The following CTNNA2 variants were observed in gnomAD, a reference collection of about 807,000 sequenced individuals.
The protein encoded by CTNNA2 is catenin alpha-2.
Under a neutral mutation model 101.0 loss-of-function variants are expected in CTNNA2, and 42 were observed. The observed-to-expected ratio is 0.42, with a 90% confidence interval of 0.32 to 0.54. The LOEUF (loss-of-function observed/expected upper bound fraction) is 0.54. Ranked by LOEUF, CTNNA2 falls within the 20% of genes least tolerant of loss-of-function variation. The probability of loss-of-function intolerance (pLI) is 0.14; values close to 1 mark genes in which losing one functional copy is unlikely to be tolerated. For missense variants in CTNNA2, 871 were observed against 1,223.1 expected (o/e 0.71, Z 4.29); for synonymous variants, 450 against 456.4 (o/e 0.99, Z 0.18).
intron 18 of CTNNA2, among the ~76,000 whole-genome samples, chr2:80,645,629 GTGATGC>G (rs1387043672): frequency 6.6e-6 from 1 of 152,094 alleles, no homozygotes; most frequent in African/African-American, 2.4e-5. Context: ...AGATTCCCGG[GTGATGC>G]TGATGCTGTT....
At chr2:80,542,259 A>ACG (rs1691635944) in intron 9 of CTNNA2, among the ~76,000 whole-genome samples, 1 of 151,386 alleles carries the variant, frequency 6.6e-6, no homozygotes. Flanking sequence ...ATGTGTATAT[A>ACG]TATATTATAG....
At chr2:79,809,880 A>G (rs897201529) in intron 3 of CTNNA2, among the ~76,000 whole-genome samples, 5 of 152,148 alleles carry the variant, frequency 3.3e-5, no homozygotes, top group Admixed American at 1.3e-4. Context: ...CCTGAATGGT[A>G]TGGCCTAGGT....
At chr2:79,974,781 C>T (rs1288158688) in intron 7 of CTNNA2, among the ~76,000 whole-genome samples, 2 of 151,960 alleles carry the variant, frequency 1.3e-5, no homozygotes, top group African/African-American at 4.8e-5. Context: ...ATAAAACATG[C>T]AATGTTATAA....
chr2:80,224,013 T>C (rs944300362), intron 7 of CTNNA2, among the ~76,000 whole-genome samples: 2 of 152,200 alleles, frequency 1.3e-5, no homozygotes, highest in African/African-American at 4.8e-5. Flanking sequence ...CACTCAGTGC[T>C]CTTAGATGGC....
intron 1 of CTNNA2, among the ~76,000 whole-genome samples, chr2:79,197,514 G>A (rs141197107): frequency 2.4e-4 from 36 of 151,262 alleles, no homozygotes; most frequent in Non-Finnish European, 5.0e-4. Flanking sequence ...CTGAGGTTGT[G>A]GGTCAGAGTT....
At chr2:80,268,588 C>T (rs1266131605) in intron 7 of CTNNA2, among the ~76,000 whole-genome samples, 2 of 152,104 alleles carry the variant, frequency 1.3e-5, no homozygotes, top group Non-Finnish European at 2.9e-5. Context: ...TTTAGTCTTT[C>T]TCACACATAA....
chr2:79,478,677 A>G (rs1020469672), intron 4 of CTNNA2, among the ~76,000 whole-genome samples: 11 of 152,332 alleles, frequency 7.2e-5, no homozygotes, highest in East Asian at 1.9e-4. Flanking sequence ...CCCTTTGGCC[A>G]TTAATTCATA....
chr2:80,184,651 C>T (rs1271358784), intron 7 of CTNNA2, among the ~76,000 whole-genome samples: 1 of 152,160 alleles, frequency 6.6e-6, no homozygotes, highest in Non-Finnish European at 1.5e-5. Flanking sequence ...GTGCAATGAA[C>T]TCCCCAATGG....
At chr2:79,665,816 C>G (rs1395214520) in intron 2 of CTNNA2, among the ~76,000 whole-genome samples, 2 of 152,044 alleles carry the variant, frequency 1.3e-5, no homozygotes, top group Non-Finnish European at 2.9e-5. Context: ...TTTTTAGAAT[C>G]TCCTGGAACA....
chr2:80,607,614 T>C (rs1573441468), intron 16 of CTNNA2, among the ~76,000 whole-genome samples: 1 of 152,040 alleles, frequency 6.6e-6, no homozygotes, highest in Non-Finnish European at 1.5e-5. Context: ...ACCATTTCAG[T>C]CTCTCATTTA....
intron 3 of CTNNA2, among the ~76,000 whole-genome samples, chr2:79,768,321 T>G (rs967677764): frequency 1.3e-5 from 2 of 150,396 alleles, no homozygotes; most frequent in Non-Finnish European, 3.0e-5. Flanking sequence ...TAGTACCTGG[T>G]TTTAACACTG....
At position 79,456,416 on chromosome 2, in the gene CTNNA2, C is replaced by T. The variant is rs372135630; in HGVS notation, c.-134-48638C>T. ...CATTTAATTTATATTTTTATTTGCA[C>T]GAATTCAATGCACAAATATTAAATA... On this transcript the variant is annotated intron_variant, in intron 4 of 21. Transcript: ENST00000466387. Among the ~76,000 whole-genome samples the T allele has an allele frequency of 2.6e-5, 4 of 151,600 alleles. No individual in the cohort carries two copies. The East Asian group carries it at 5.9e-4, about 22-fold the overall frequency.
intron 18 of CTNNA2, among the ~76,000 whole-genome samples, chr2:80,636,808 A>G (rs10490509): frequency 0.33 from 50,249 of 151,912 alleles, 9,521 homozygotes; most frequent in East Asian, 0.48. Flanking sequence ...TCTATTATCA[A>G]TATTCCTTAC....
chr2:79,307,900 A>G (rs1158041502), intron 2 of CTNNA2, among the ~76,000 whole-genome samples: 1 of 152,104 alleles, frequency 6.6e-6, no homozygotes, highest in Admixed American at 6.6e-5. Flanking sequence ...TTCTGATAAT[A>G]GCCATCCTAA....
intron 3 of CTNNA2, among the ~76,000 whole-genome samples, chr2:79,343,268 A>G (rs1677179941): frequency 6.6e-6 from 1 of 152,212 alleles, no homozygotes; most frequent in African/African-American, 2.4e-5. Context: ...GGGTATATAT[A>G]AACAAAATTA....
intron 4 of CTNNA2, among the ~76,000 whole-genome samples, chr2:79,501,965 C>CTTTTTTTTTTTTTTT (rs59130555): frequency 7.8e-6 from 1 of 128,788 alleles, no homozygotes; most frequent in Admixed American, 8.0e-5. Context: ...GGATATTAGT[C>CTTTTTTTTTTTTTTT]TTTTTTTTTT....
chr2:79,243,204 CTG>C (rs899262796), intron 2 of CTNNA2, among the ~76,000 whole-genome samples: 2 of 151,922 alleles, frequency 1.3e-5, no homozygotes, highest in African/African-American at 2.4e-5. Context: ...GGGAAGCTGA[CTG>C]TAGGTGGGCT....
intron 12 of CTNNA2, among the ~76,000 whole-genome samples, chr2:80,567,711 A>G (rs977502321): frequency 6.6e-6 from 1 of 152,074 alleles, no homozygotes; most frequent in Non-Finnish European, 1.5e-5. Context: ...TCTGGCTCCA[A>G]TTACTCTGAT....
At position 80,619,483 on chromosome 2, in the gene CTNNA2, T is replaced by C. The variant is rs78995641; in HGVS notation, c.2574+255T>C. Among the ~76,000 whole-genome samples the C allele has an allele frequency of 4.1e-4, 62 of 152,086 alleles. 1 individual carries two copies. In the East Asian group the frequency reaches 0.01, roughly 25 times the overall value. On this transcript the variant is annotated intron_variant, in intron 18 of 18. Coordinates refer to ENST00000402739, the MANE Select transcript of CTNNA2 (RefSeq NM_001282597.3). ...CTTTATTTCTCAGTCTTTCTTCCCA[T>C]TGGGACTGAAAGTCATGGCATATGT...
Sources: allele counts gnomAD v4.1 joint callset (sites outside exome capture counted in the v4.1 genomes callset), GRCh38; gene constraint gnomAD v4.1.1; transcripts MANE v1.5; gene names NCBI Gene and HGNC (gene_info 2026-07-23, HGNC 2026-07-21).